Variants in CAMKMT observed in about 807,000 individuals in gnomAD.
CAMKMT encodes the protein CaM KMT.
In CAMKMT, 53 loss-of-function variants were observed where a neutral mutation model predicts 48.0. That is an observed-to-expected ratio of 1.10 (90% CI 0.89 to 1.39). The LOEUF is 1.39. CAMKMT is among the 40% of genes most tolerant of loss of function. The pLI, the probability that CAMKMT is intolerant of heterozygous loss-of-function variation, is 0.00. For synonymous variants in CAMKMT, 165 were observed against 152.3 expected (o/e 1.08, Z -0.61); for missense variants, 428 against 402.7 (o/e 1.06, Z -0.54).
rs1437589447 is a variant in CAMKMT at position 44,653,737 on chromosome 2, A to T, written c.377-50546A>T. On this transcript the variant is annotated intron_variant, in intron 3 of 10. Transcript: ENST00000378494. This position sits in a 1 kb window ranked among gnomAD's most constrained non-coding sequence, Gnocchi z 5.2. ...GTAAATTAATCTTTTGGGATTGTAG[A>T]TATAATAGCAATAATTTGGAGTTAT... 6.6e-6 allele frequency among the ~76,000 whole-genome samples: 1 copy of T among 152,198 alleles called. No homozygotes were observed. Among genetic ancestry groups the T allele is most frequent in the Non-Finnish European group, 1.5e-5 (1 of 68,036 alleles).
intron 3 of CAMKMT, among the ~76,000 whole-genome samples, chr2:44,700,729 T>A (rs1426643725): frequency 6.6e-6 from 1 of 152,146 alleles, no homozygotes; most frequent in Non-Finnish European, 1.5e-5. Flanking sequence ...TCAGATATAA[T>A]AATAATGAAA....
At chr2:44,443,576 A>G (rs1666799532) in intron 3 of CAMKMT, among the ~76,000 whole-genome samples, 1 of 152,132 alleles carries the variant, frequency 6.6e-6, no homozygotes, top group African/African-American at 2.4e-5. Context: ...GGTTCTATAA[A>G]TTTCTTGCTT....
At chr2:44,648,579 A>C (rs894835316) in intron 3 of CAMKMT, among the ~76,000 whole-genome samples, 3 of 152,218 alleles carry the variant, frequency 2.0e-5, no homozygotes, top group African/African-American at 7.2e-5. Flanking sequence ...TTCTTAAACT[A>C]TAAGAAATGT....
At chr2:44,466,306 G>A (rs752976546) in intron 3 of CAMKMT, among the ~76,000 whole-genome samples, 3 of 152,138 alleles carry the variant, frequency 2.0e-5, no homozygotes, top group Non-Finnish European at 4.4e-5. Flanking sequence ...AATTTAAGTA[G>A]ATTGAAATCA....
intron 3 of CAMKMT, among the ~76,000 whole-genome samples, chr2:44,416,450 C>T (rs184618394): frequency 4.0e-5 from 6 of 151,858 alleles, no homozygotes; most frequent in Admixed American, 3.3e-4. Context: ...TACTACTTCT[C>T]GGGTAAAAAC....
At position 44,629,847 on chromosome 2, in the gene CAMKMT, T is replaced by A. The variant is rs530724961; in HGVS notation, c.377-74436T>A. Reference sequence around the variant, plus strand: ...AAGGTAATTTATAGATTCAATGCCATCCCCATCAAGCTACCAATGACTTTC... The same window carrying A: ...AAGGTAATTTATAGATTCAATGCCAACCCCATCAAGCTACCAATGACTTTC... On this transcript the variant is annotated intron_variant, in intron 3 of 10. Transcript: ENST00000378494. Among the ~76,000 whole-genome samples, 309 of 152,038 alleles carry A rather than the reference T, an allele frequency of 2.0e-3. 1 individual carries two copies. Among genetic ancestry groups the A allele is most frequent in the African/African-American group, 7.3e-3 (302 of 41,466 alleles).
chr2:44,631,619 G>A, intron 3 of CAMKMT: 8 of 495,482 alleles, frequency 1.6e-5, no homozygotes, highest in Non-Finnish European at 2.1e-5. Context: ...ATTTCTTGCG[G>A]ACAGTTGTAT....
intron 7 of CAMKMT, among the ~76,000 whole-genome samples, chr2:44,724,453 G>A (rs1238754173): frequency 6.6e-6 from 1 of 152,168 alleles, no homozygotes; most frequent in East Asian, 1.9e-4. Context: ...TAGAGTTGAG[G>A]TTCATTTGAA....
intron 8 of CAMKMT, among the ~76,000 whole-genome samples, chr2:44,749,892 G>A (rs1286011994): frequency 6.6e-6 from 1 of 152,134 alleles, no homozygotes; most frequent in Non-Finnish European, 1.5e-5. Flanking sequence ...CTTGCTGTGT[G>A]AAGAGACAGG....
intron 6 of CAMKMT, among the ~76,000 whole-genome samples, chr2:44,709,640 C>T (rs1297877250): frequency 6.6e-6 from 1 of 151,724 alleles, no homozygotes; most frequent in East Asian, 1.9e-4. Flanking sequence ...ATTTGCATGC[C>T]CACTTTCTGT....
intron 3 of CAMKMT, among the ~76,000 whole-genome samples, chr2:44,681,868 G>A (rs921438027): frequency 6.6e-6 from 1 of 152,098 alleles, no homozygotes; most frequent in African/African-American, 2.4e-5. Flanking sequence ...TTCTGCATAC[G>A]TGGGAAACGG....
At position 44,645,744 on chromosome 2, in the gene CAMKMT, C is replaced by G. The variant is rs199938686; in HGVS notation, c.377-58539C>G. 3.1e-4 allele frequency among the ~76,000 whole-genome samples: 47 copies of G among 152,176 alleles called. No homozygotes were observed. The East Asian group carries it at 4.6e-3, about 15-fold the overall frequency. On this transcript the variant is annotated intron_variant, in intron 3 of 10. Transcript: ENST00000378494. ...GCTGAGGCAGGAGAATCGCTTAAAC[C>G]TGGGAGGCGGAGGCTGCAGTGAGCT...
chr2:44,735,216 A>G (rs1165655909), intron 7 of CAMKMT, among the ~76,000 whole-genome samples: 2 of 152,090 alleles, frequency 1.3e-5, no homozygotes, highest in South Asian at 2.1e-4. Flanking sequence ...CCATCTTTTT[A>G]CTTTTAACCT....
intron 3 of CAMKMT, among the ~76,000 whole-genome samples, chr2:44,437,333 T>C (rs1666324506): frequency 6.6e-6 from 1 of 152,228 alleles, no homozygotes; most frequent in Admixed American, 6.5e-5. Context: ...TTTGACAGGC[T>C]AAAGTGAATC....
intron 3 of CAMKMT, among the ~76,000 whole-genome samples, chr2:44,416,185 T>C (rs1683537973): frequency 6.6e-6 from 1 of 152,202 alleles, no homozygotes; most frequent in Admixed American, 6.5e-5. Flanking sequence ...TTGGGTGCCA[T>C]GTGTTTGAAG....
intron 3 of CAMKMT, among the ~76,000 whole-genome samples, chr2:44,492,470 G>A (rs925104451): frequency 2.6e-5 from 4 of 152,186 alleles, no homozygotes; most frequent in African/African-American, 9.6e-5. Context: ...AATAAAAAAT[G>A]TAAAAAATAT....
Position 44,772,229 on chromosome 2 carries a change from G to C in CAMKMT, c.*116G>C. ...GCCTGCGCCCTTTGCAGCATTTCACGTGTGGGCTATGGACTCCACCTGTCC... is the reference window on the plus strand; with the variant it reads ...GCCTGCGCCCTTTGCAGCATTTCACCTGTGGGCTATGGACTCCACCTGTCC... On this transcript the variant is annotated 3_prime_UTR_variant, in exon 11 of 11. Coordinates refer to ENST00000378494, the MANE Select transcript of CAMKMT (RefSeq NM_024766.5). 2 of 803,330 alleles carry C rather than the reference G, an allele frequency of 2.5e-6. No individual in the cohort carries two copies. The highest frequency in any genetic ancestry group is 4.1e-6 in the Non-Finnish European group (2 of 491,968). The allele number at this position is 803,330 out of a possible 1,614,324, so 49.8% of individuals were successfully genotyped here.
At chr2:44,414,921 C>T (rs146495982) in intron 3 of CAMKMT, among the ~76,000 whole-genome samples, 11 of 152,264 alleles carry the variant, frequency 7.2e-5, no homozygotes, top group South Asian at 4.1e-4. Flanking sequence ...GCTGGGAGGC[C>T]GAGGCGGGCG....
At chr2:44,532,737 C>T (rs775007465) in intron 3 of CAMKMT, among the ~76,000 whole-genome samples, 12 of 151,934 alleles carry the variant, frequency 7.9e-5, no homozygotes, top group Non-Finnish European at 1.5e-4. Context: ...AATAATGAAG[C>T]TGAAAAAATT....
Sources: gnomAD v4.1 joint callset for allele counts (sites outside exome capture counted in the v4.1 genomes callset) on GRCh38, gnomAD v4.1.1 for gene constraint, Gnocchi (gnomAD v3.1) non-coding constraint, MANE v1.5 for transcripts, NCBI Gene and HGNC (gene_info 2026-07-23, HGNC 2026-07-21) for gene names.